IL21R: variants seen among roughly 807,000 people sequenced by gnomAD.
IL21R encodes the protein interleukin 21 receptor.
IL21R carries 14 observed loss-of-function variants against 41.3 expected under a neutral mutation model. That is an observed-to-expected ratio of 0.34 (90% confidence interval 0.22 to 0.53). The LOEUF (loss-of-function observed/expected upper bound fraction) is 0.53. IL21R is among the 20% of genes least tolerant of loss of function. The pLI is 0.94. For missense variants in IL21R, 588 were observed against 681.6 expected, an observed-to-expected ratio of 0.86 and a Z score of 1.53; for synonymous variants, 286 against 287.6, an observed-to-expected ratio of 0.99 and a Z score of 0.05.
chr16:27,408,011 T>C (rs2086773871), intron 1 of IL21R, among the ~76,000 whole-genome samples: 1 of 152,234 alleles, frequency 6.6e-6, no homozygotes, highest in Non-Finnish European at 1.5e-5. Flanking sequence ...GAAAGCATTC[T>C]CTTTCATTTA....
intron 4 of IL21R, among the ~76,000 whole-genome samples, chr16:27,440,275 A>AGC (rs1355841082): frequency 8.8e-4 from 124 of 140,364 alleles, no homozygotes; most frequent in Non-Finnish European, 1.6e-3. Flanking sequence ...AGAGAGAGAG[A>AGC]GAGAGCGAGC....
chr16:27,414,088 G>A (rs1026141747), intron 1 of IL21R, among the ~76,000 whole-genome samples: 1 of 151,334 alleles, frequency 6.6e-6, no homozygotes, highest in Non-Finnish European at 1.5e-5. Flanking sequence ...TCTAGTATAA[G>A]ATGTTTTTGT....
intron 3 of IL21R, among the ~76,000 whole-genome samples, chr16:27,437,157 G>A (rs1366434966): frequency 6.6e-6 from 1 of 152,166 alleles, no homozygotes; most frequent in Non-Finnish European, 1.5e-5. Context: ...TCTGGTTGTT[G>A]GGACCAACAG....
chr16:27,437,761 C>A (rs1390183111), intron 4 of IL21R, 74 bp downstream of exon 4: 2 of 1,198,046 alleles, frequency 1.7e-6, no homozygotes, highest in African/African-American at 3.0e-5. Context: ...TCTCTGGGCT[C>A]AGGTGATCCT....
At chr16:27,431,371 C>T (rs188845863) in intron 2 of IL21R, among the ~76,000 whole-genome samples, 11 of 152,282 alleles carry the variant, frequency 7.2e-5, no homozygotes, top group African/African-American at 2.6e-4. Flanking sequence ...ATTCCACTGT[C>T]CCAACAGCCC....
At chr16:27,406,680 C>T (rs911397613) in intron 1 of IL21R, among the ~76,000 whole-genome samples, 1 of 151,778 alleles carries the variant, frequency 6.6e-6, no homozygotes, top group African/African-American at 2.4e-5. Flanking sequence ...CCACCCCTTG[C>T]CACTGGCGAA....
Position 27,430,038 on chromosome 16 carries a change from A to C in IL21R, c.-16-18A>C. ...CCTGAGCCCGCCTGGCTCACCCTCC[A>C]CTGTACGTCTCTTGCAGGCCCGTGG... On this transcript the variant is annotated intron_variant, in intron 1 of 8. Transcript: ENST00000337929. 6.2e-7 allele frequency: 1 copy of C among 1,604,360 alleles called. No individual in the cohort carries two copies. Among genetic ancestry groups the C allele is most frequent in the Non-Finnish European group, 8.5e-7 (1 of 1,179,226 alleles).
At chr16:27,407,394 G>A (rs115151999) in intron 1 of IL21R, among the ~76,000 whole-genome samples, 1,740 of 152,288 alleles carry the variant, frequency 0.011, 35 homozygotes, top group African/African-American at 0.039. Context: ...TTCAGATAGG[G>A]TTGCCTCTTT....
At chr16:27,438,731 G>C (rs554311493) in intron 4 of IL21R, among the ~76,000 whole-genome samples, 2 of 152,114 alleles carry the variant, frequency 1.3e-5, no homozygotes, top group Admixed American at 6.5e-5. Context: ...TTTGCCGGGC[G>C]TGGTGGCACA....
chr16:27,430,365 CT>C (rs1349738686), intron 2 of IL21R, among the ~76,000 whole-genome samples: 1 of 152,258 alleles, frequency 6.6e-6, no homozygotes, highest in Non-Finnish European at 1.5e-5. Context: ...AGCCCACAGG[CT>C]TGTGTCTTCG....
intron 1 of IL21R, among the ~76,000 whole-genome samples, chr16:27,418,533 TA>T (rs2086939826): frequency 6.6e-6 from 1 of 151,956 alleles, no homozygotes; most frequent in Non-Finnish European, 1.5e-5. Flanking sequence ...CACGCTCGGC[TA>T]ATTTTTTTGG....
chr16:27,433,850 A>C (rs764214607), intron 2 of IL21R, among the ~76,000 whole-genome samples: 10 of 152,036 alleles, frequency 6.6e-5, no homozygotes, highest in Non-Finnish European at 1.3e-4. Context: ...TGTGGATCCA[A>C]CTTCTGTAGA....
chr16:27,434,522 C>T, intron 3 of IL21R, 73 bp downstream of exon 3: 1 of 921,358 alleles, frequency 1.1e-6, no homozygotes, highest in Non-Finnish European at 1.7e-6. Context: ...CCCAGGAGGA[C>T]ACTGTGCACT....
rs529203554 is a variant in IL21R, at chr16:27,418,528, T to C, written c.-16-11528T>C. 1.9e-4 allele frequency among the ~76,000 whole-genome samples: 29 copies of C among 151,844 alleles called. No individual in the cohort carries two copies. The South Asian group carries it at 3.6e-3, about 19-fold the overall frequency. ...GGACTACAGGTGCGCGCCACCACGC[T>C]CGGCTAATTTTTTTGGTATTTTTAG... On this transcript the variant is annotated intron_variant, in intron 1 of 8. Coordinates refer to ENST00000337929, the MANE Select transcript of IL21R (RefSeq NM_181078.3).
intron 1 of IL21R, among the ~76,000 whole-genome samples, chr16:27,428,684 A>C (rs961611271): frequency 2.0e-5 from 3 of 152,210 alleles, no homozygotes; most frequent in African/African-American, 7.2e-5. Flanking sequence ...CCAAGACAGT[A>C]GAGGGCACTC....
chr16:27,424,987 A>G (rs1017378077), intron 1 of IL21R, among the ~76,000 whole-genome samples: 3 of 152,162 alleles, frequency 2.0e-5, no homozygotes, highest in African/African-American at 7.2e-5. Context: ...CTTCTGAACA[A>G]TTAGATCTCA....
In IL21R at chr16:27,451,966, A is replaced by T. The variant is rs776492029; in HGVS notation, c.*2683A>T. ...GATAAAACACAAGTTATACCAGGCCAGCAACTCTATTTTGTTCACTGCCTT... is the reference window on the plus strand; with the variant it reads ...GATAAAACACAAGTTATACCAGGCCTGCAACTCTATTTTGTTCACTGCCTT... On this transcript the variant is annotated 3_prime_UTR_variant, in exon 9 of 9. Transcript: ENST00000337929. 18 of 229,424 alleles carry T rather than the reference A, an allele frequency of 7.8e-5. No homozygotes were observed. The highest frequency in any genetic ancestry group is 1.6e-4 in the Non-Finnish European group (18 of 115,734). 14.2% of individuals were successfully genotyped at this position (229,424 alleles called of 1,614,324 possible).
At position 27,440,248 on chromosome 16, in the gene IL21R, T is replaced by TATATAG. The variant is rs1352160946; in HGVS notation, c.352+2562_352+2563insTATAGA. 6.5e-3 allele frequency among the ~76,000 whole-genome samples: 418 copies of TATATAG among 64,010 alleles called. 6 individuals carry two copies. Among genetic ancestry groups the TATATAG allele is most frequent in the East Asian group, 0.014 (38 of 2,734 alleles). The allele number at this position is 64,010 out of a possible 152,430, so 42.0% of individuals were successfully genotyped here. ...ATATATATATATATATATATATATA[T>TATATAG]AGAGAGAGAGAGAGAGAGAGAGAGA... On this transcript the variant is annotated intron_variant, in intron 4 of 8. Transcript: ENST00000337929.
chr16:27,423,539 T>C (rs1192475981), intron 1 of IL21R, among the ~76,000 whole-genome samples: 1 of 152,216 alleles, frequency 6.6e-6, no homozygotes, highest in African/African-American at 2.4e-5. Flanking sequence ...TTTTAAATAT[T>C]TTTATGATGG....
Sources: allele counts gnomAD v4.1 joint callset (sites outside exome capture counted in the v4.1 genomes callset), GRCh38; gene constraint gnomAD v4.1.1; transcripts MANE v1.5; gene names NCBI Gene and HGNC (gene_info 2026-07-23, HGNC 2026-07-21).